ATP2B3: variants seen among roughly 807,000 people sequenced by gnomAD.
The protein encoded by ATP2B3 is plasma membrane calcium-transporting ATPase 3.
In ATP2B3, 12 loss-of-function variants were observed where a neutral mutation model predicts 70.8. That is an observed-to-expected ratio of 0.17 (90% confidence interval 0.11 to 0.27). The LOEUF (loss-of-function observed/expected upper bound fraction) is 0.27, where lower values mean the gene tolerates loss of function less well. Among genes scored for constraint, ATP2B3 ranks in the 10% least tolerant of loss-of-function variants. The probability of loss-of-function intolerance (pLI) is 1.00; values close to 1 mark genes in which losing one functional copy is unlikely to be tolerated. For synonymous variants in ATP2B3, 460 were observed against 497.8 expected, an observed-to-expected ratio of 0.92 and a Z score of 1.01; for missense variants, 858 against 1,118.5, an observed-to-expected ratio of 0.77 and a Z score of 3.32.
At chrX:153,542,193 C>T in intron 5 of ATP2B3, 130 bp from the exon 6 acceptor site, 1 of 1,029,897 alleles carries the variant, frequency 9.7e-7, no homozygotes, top group Non-Finnish European at 1.3e-6. Context: ...ATGCAAATGT[C>T]CTCGTTCCCC....
chrX:153,530,996 T>A (rs1203827440), intron 2 of ATP2B3, among the ~76,000 whole-genome samples: 2 of 112,195 alleles, frequency 1.8e-5, no homozygotes, highest in Non-Finnish European at 3.8e-5. Flanking sequence ...TCCCTCCCCC[T>A]TCCCTGGCTG....
At chrX:153,546,054 A>G in intron 7 of ATP2B3, 34 bp from the exon 8 acceptor site, 1 of 1,209,974 alleles carries the variant, frequency 8.3e-7, no homozygotes. Context: ...GGTGTCCTCA[A>G]GCCTTCGTGT....
Position 153,541,882 on chromosome X carries a change from C to T in ATP2B3, c.620C>T (p.Pro207Leu). Residue 207 changes from proline (P) to leucine (L), a missense_variant, in exon 5 of 22, where the codon CCC becomes CTC. Transcript: ENST00000263519. Reference sequence around the variant, plus strand: ...CGGAACGGGCAGCTCCTCCAGGTCCCCGTGGCTGCGCTGGTGGTGGGGGAC... The same window carrying T: ...CGGAACGGGCAGCTCCTCCAGGTCCTCGTGGCTGCGCTGGTGGTGGGGGAC... ...VIRNGQLLQVPVAALVVGDIA... is the reference protein window; with the variant it reads ...VIRNGQLLQVLVAALVVGDIA... 8.3e-7 allele frequency: 1 copy of T among 1,211,428 alleles called. No homozygotes were observed. The highest frequency in any genetic ancestry group is 1.1e-6 in the Non-Finnish European group (1 of 895,472).
At chrX:153,535,518 C>A (rs1302701327) in intron 2 of ATP2B3, among the ~76,000 whole-genome samples, 1 of 109,955 alleles carries the variant, frequency 9.1e-6, no homozygotes, top group Non-Finnish European at 1.9e-5. Context: ...TCCCTCTCTC[C>A]CCTCCCCTGT....
intron 2 of ATP2B3, among the ~76,000 whole-genome samples, chrX:153,522,666 G>T (rs2089975064): frequency 8.9e-6 from 1 of 112,346 alleles, no homozygotes; most frequent in Non-Finnish European, 1.9e-5. Flanking sequence ...TCCAGGGGCT[G>T]CGCAGATACC....
intron 21 of ATP2B3, among the ~76,000 whole-genome samples, chrX:153,579,704 C>T (rs1416709684): frequency 1.8e-5 from 2 of 111,342 alleles, no homozygotes; most frequent in African/African-American, 3.3e-5. Flanking sequence ...TTCCTGCATG[C>T]GGATCGGTTG....
chrX:153,525,512 C>T (rs782232312), intron 2 of ATP2B3, among the ~76,000 whole-genome samples: 50 of 112,126 alleles, frequency 4.5e-4, no homozygotes, highest in Non-Finnish European at 7.7e-4. Flanking sequence ...GGGTCCATTC[C>T]GCCCCCCACC....
At chrX:153,563,495 A>G (rs2090657989) in intron 20 of ATP2B3, among the ~76,000 whole-genome samples, 1 of 112,245 alleles carries the variant, frequency 8.9e-6, no homozygotes, top group Admixed American at 9.4e-5. Flanking sequence ...CAGCTGCTGC[A>G]GATGCCAGCC....
At position 153,550,417 on chromosome X, in the gene ATP2B3, G is replaced by A. The variant is rs111474721; in HGVS notation, c.1823+131G>A. On this transcript the variant is annotated intron_variant, in intron 12 of 21. Transcript: ENST00000263519. Reference sequence around the variant, plus strand: ...TGTACAGTTGAATGGCATTAAGCACGTTCACAATATCATGCAACCGTCACC... The same window carrying A: ...TGTACAGTTGAATGGCATTAAGCACATTCACAATATCATGCAACCGTCACC... 2,517 of 1,003,150 alleles carry A rather than the reference G, an allele frequency of 2.5e-3. 47 individuals carry two copies. The African/African-American group carries it at 0.043, about 17-fold the overall frequency. The allele number at this position is 1,003,150 out of a possible 1,213,427, so 82.7% of individuals were successfully genotyped here. A position where few individuals can be genotyped will look rare whatever the true frequency, so the allele number is the denominator to read the frequency against.
intron 2 of ATP2B3, among the ~76,000 whole-genome samples, chrX:153,524,705 C>A (rs960883799): frequency 2.7e-5 from 3 of 111,233 alleles, no homozygotes; most frequent in Admixed American, 1.9e-4. Context: ...CTGTCCTGAC[C>A]CACGGGCCCA....
At chrX:153,572,743 G>T (rs1557020253) in intron 21 of ATP2B3, among the ~76,000 whole-genome samples, 14 of 111,299 alleles carry the variant, frequency 1.3e-4, no homozygotes. Context: ...CCCACACCAT[G>T]CCCCAACCAC....
At chrX:153,560,580 G>A (rs1450215242) in intron 18 of ATP2B3, 96 bp from the exon 19 acceptor site, 6 of 966,764 alleles carry the variant, frequency 6.2e-6, no homozygotes, top group Non-Finnish European at 8.6e-6. Context: ...CTGGGACAAG[G>A]GACCCATCTC....
chrX:153,537,746 G>T (rs2090214876), intron 3 of ATP2B3, among the ~76,000 whole-genome samples: 1 of 112,550 alleles, frequency 8.9e-6, no homozygotes, highest in Non-Finnish European at 1.9e-5. Context: ...AGGAGGCTGT[G>T]GAGGGCCATT....
At position 153,580,281 on chromosome X, in the gene ATP2B3, GTGGAGAC is replaced by G. The variant is rs782582753; in HGVS notation, c.3647_3653del (p.Val1216GlyfsTer106). On this transcript the variant is annotated frameshift_variant, in exon 22 of 22. Transcript: ENST00000263519. LOFTEE classifies it high-confidence loss of function. ...CAGTCCCGGGAGCCCGCTCCACAGC[GTGGAGAC>G]GTCCCTCTAACAAGAACTTGTCTCA... The G allele has an allele frequency of 2.2e-4, 265 of 1,204,353 alleles. No individual in the cohort carries two copies. The highest frequency in any genetic ancestry group is 2.9e-4 in the Non-Finnish European group (256 of 890,972).
intron 3 of ATP2B3, among the ~76,000 whole-genome samples, chrX:153,540,978 C>T (rs374972601): frequency 8.9e-6 from 1 of 112,233 alleles, no homozygotes; most frequent in South Asian, 3.7e-4. Flanking sequence ...CCTCTGTGCC[C>T]CCTTGTTGGG....
intron 19 of ATP2B3, 69 bp from the exon 20 acceptor site, chrX:153,562,066 G>A (rs2090633620): frequency 2.0e-6 from 2 of 1,019,442 alleles, no homozygotes; most frequent in Admixed American, 2.2e-5. Flanking sequence ...GGGTCTTCAA[G>A]GGGTTGGAGG....
chrX:153,530,028 G>C (rs937115518), intron 2 of ATP2B3, among the ~76,000 whole-genome samples: 1 of 112,838 alleles, frequency 8.9e-6, no homozygotes, highest in Non-Finnish European at 1.9e-5. Flanking sequence ...ATGAACTTGA[G>C]TGGACAAATA....
intron 2 of ATP2B3, among the ~76,000 whole-genome samples, chrX:153,535,622 C>T (rs1282693317): frequency 8.9e-6 from 1 of 112,036 alleles, no homozygotes; most frequent in African/African-American, 3.3e-5. Flanking sequence ...AAGGCCACAC[C>T]AGAAGACCAC....
chrX:153,534,634 C>T (rs782232994), intron 2 of ATP2B3, among the ~76,000 whole-genome samples: 6 of 112,729 alleles, frequency 5.3e-5, no homozygotes, highest in Non-Finnish European at 7.5e-5. Context: ...AGTAGCTGCT[C>T]GGTGAATATG....
Sources: allele counts gnomAD v4.1 joint callset (sites outside exome capture counted in the v4.1 genomes callset), GRCh38; gene constraint gnomAD v4.1.1; transcripts MANE v1.5; gene names NCBI Gene and HGNC (gene_info 2026-07-23, HGNC 2026-07-21).